The following PREX1 variants were observed in gnomAD, a reference collection of about 807,000 sequenced individuals.
PREX1 encodes phosphatidylinositol-3,4,5-trisphosphate dependent Rac exchange factor 1, also known as phosphatidylinositol 3,4,5-trisphosphate-dependent Rac exchanger 1 protein.
Under a neutral mutation model 198.3 loss-of-function variants are expected in PREX1, and 41 were observed. The ratio of observed to expected loss-of-function variants is 0.21; its 90% CI spans 0.16 to 0.27. The LOEUF (loss-of-function observed/expected upper bound fraction) is 0.27. PREX1 is among the 10% of genes least tolerant of loss of function. PREX1 has a pLI of 1.00. For missense variants in PREX1, 1,620 were observed against 2,200.7 expected (o/e 0.74, Z 5.28); for synonymous variants, 843 against 887.2 (o/e 0.95, Z 0.89).
At chr20:48,790,999 G>A (rs2090336387) in intron 1 of PREX1, among the ~76,000 whole-genome samples, 1 of 152,126 alleles carries the variant, frequency 6.6e-6, no homozygotes, top group African/African-American at 2.4e-5. Flanking sequence ...CACCACCCGG[G>A]AACCCCAACA....
intron 1 of PREX1, among the ~76,000 whole-genome samples, chr20:48,793,113 G>A (rs1051070348): frequency 6.6e-5 from 10 of 152,214 alleles, no homozygotes; most frequent in South Asian, 6.2e-4. Flanking sequence ...GCTGAGGGGG[G>A]AGAATTGCTT....
At chr20:48,724,009 T>TGAAACGCAGAGAAGAAGGACACTGGCCTC (rs1355303391) in intron 5 of PREX1, among the ~76,000 whole-genome samples, 1 of 152,190 alleles carries the variant, frequency 6.6e-6, no homozygotes, top group Non-Finnish European at 1.5e-5. Flanking sequence ...TTCAAGGTTT[T>TGAAACGCAGAGAAGAAGGACACTGGCCTC]GAAACGCAGA....
In PREX1 at chr20:48,736,406, C is replaced by T. The variant is rs560162962; in HGVS notation, c.415-1756G>A. ...ATGCTCCAAACACCACCACCAATGT[C>T]AGCATGCACATGGACACATGCACTG... On this transcript the variant is annotated intron_variant, in intron 3 of 39. Coordinates refer to ENST00000371941, the MANE Select transcript of PREX1 (RefSeq NM_020820.4). 5.5e-4 allele frequency among the ~76,000 whole-genome samples: 84 copies of T among 152,224 alleles called. 1 individual carries two copies. The highest frequency in any genetic ancestry group is 1.1e-3 in the Non-Finnish European group (74 of 68,048).
chr20:48,637,771 CAGAA>C lies in PREX1; in HGVS notation c.3905-23_3905-20del. 1 of 1,607,850 alleles carries C rather than the reference CAGAA, an allele frequency of 6.2e-7. No homozygotes were observed. Among genetic ancestry groups the C allele is most frequent in the African/African-American group, 1.3e-5 (1 of 74,886 alleles). ...TTCCCATCTGGAAGGAGAAGGGAGA[CAGAA>C]AGGGGGACGGGCTGGGAGGGGGCAG... On this transcript the variant is annotated intron_variant, in intron 30 of 39. Transcript: ENST00000371941.
At chr20:48,841,381 T>C in the PREX1 span, among the ~76,000 whole-genome samples, 1 of 152,216 alleles carries the variant, frequency 6.6e-6, no homozygotes, top group Non-Finnish European at 1.5e-5. Context: ...TAATAATGAA[T>C]GGGTGTGGCT....
At position 48,645,991 on chromosome 20, in the gene PREX1, G is replaced by A. The variant is rs530440472; in HGVS notation, c.3372C>T (p.Ala1124=). The A allele has an allele frequency of 8.7e-6, 14 of 1,614,106 alleles. No homozygotes were observed. Among genetic ancestry groups the A allele is most frequent in the Non-Finnish European group, 9.3e-6 (11 of 1,180,040 alleles). ...GSCDASLAEE[A]SSLPLVSEES... ...CTTCACTGACCAGGGGCAGGGAGGA[G>A]GCCTCCTCAGCCAAGGATGCGTCGC... Residue 1124 remains alanine (A), a synonymous_variant, in exon 26 of 40, where the codon GCC becomes GCT. Transcript: ENST00000371941.
intron 10 of PREX1, among the ~76,000 whole-genome samples, chr20:48,683,658 T>C (rs941573663): frequency 6.6e-6 from 1 of 152,194 alleles, no homozygotes; most frequent in Admixed American, 6.5e-5. Flanking sequence ...CTCTTCAGTG[T>C]AGCCCATCAT....
At chr20:48,653,222 C>T in intron 20 of PREX1, 139 bp downstream of exon 20, 4 of 1,330,408 alleles carry the variant, frequency 3.0e-6, no homozygotes, top group Non-Finnish European at 3.1e-6. Flanking sequence ...GGCCCAGCTC[C>T]CTCTTGTTGG....
the PREX1 span, among the ~76,000 whole-genome samples, chr20:48,847,492 A>G: frequency 6.6e-6 from 1 of 152,122 alleles, no homozygotes; most frequent in South Asian, 2.1e-4. Context: ...TCTGCTCTGT[A>G]AAGGAATGTG....
rs754014614 is a variant in PREX1, at chr20:48,649,308, C to G, written c.3297G>C (p.Gln1099His). ...ALKEMKQYVT[Q>H]INRLLSTITE... Reference sequence around the variant, plus strand: ...CCCCGGCCAGCGCTCACCTGTTGATCTGGGTGACATATTGCTTCATCTCCT... The same window carrying G: ...CCCCGGCCAGCGCTCACCTGTTGATGTGGGTGACATATTGCTTCATCTCCT... The change falls in exon 25 of 40, where the codon CAG becomes CAC. Residue 1099 changes from glutamine (Q) to histidine (H), a missense_variant. By Grantham distance (24) the Gln-to-His change is conservative. Around this residue, in one of 7 missense-constraint regions of PREX1, gnomAD observed 514 missense variants for 611.6 expected, o/e 0.84. Transcript: ENST00000371941. 1.1e-5 allele frequency: 17 copies of G among 1,612,806 alleles called. No homozygotes were observed. In the East Asian group the frequency reaches 3.6e-4, roughly 34 times the overall value.
intron 10 of PREX1, among the ~76,000 whole-genome samples, chr20:48,683,712 G>T (rs180981194): frequency 6.6e-6 from 1 of 152,168 alleles, no homozygotes; most frequent in Non-Finnish European, 1.5e-5. Flanking sequence ...AGCTTCTCGG[G>T]AGAGTGAGGA....
intron 7 of PREX1, among the ~76,000 whole-genome samples, chr20:48,698,595 G>A (rs1350142250): frequency 1.3e-5 from 2 of 152,172 alleles, no homozygotes; most frequent in African/African-American, 2.4e-5. Context: ...AGGAGTGGGC[G>A]AGAATGAAGG....
intron 6 of PREX1, among the ~76,000 whole-genome samples, chr20:48,701,536 T>C (rs2089874274): frequency 6.6e-6 from 1 of 152,018 alleles, no homozygotes; most frequent in East Asian, 1.9e-4. Flanking sequence ...TATTGTGGGT[T>C]TTTTTTTCAC....
At chr20:48,661,406 C>A (rs1297553563) in intron 15 of PREX1, among the ~76,000 whole-genome samples, 7 of 26,758 alleles carry the variant, frequency 2.6e-4, no homozygotes, top group Non-Finnish European at 4.6e-4. Context: ...GCAACAAGAG[C>A]AAAACTCCAT....
chr20:48,757,529 C>T (rs2090160671), intron 1 of PREX1, among the ~76,000 whole-genome samples: 1 of 152,216 alleles, frequency 6.6e-6, no homozygotes, highest in Non-Finnish European at 1.5e-5. Context: ...TCGGCCAAGC[C>T]TCGCACCTCA....
the PREX1 span, among the ~76,000 whole-genome samples, chr20:48,872,268 T>C: frequency 1.3e-5 from 2 of 151,732 alleles, no homozygotes; most frequent in African/African-American, 4.8e-5. Context: ...CGTCACACCA[T>C]GTTGTGGTTT....
At chr20:48,757,594 A>G (rs536626442) in intron 1 of PREX1, among the ~76,000 whole-genome samples, 3 of 152,358 alleles carry the variant, frequency 2.0e-5, no homozygotes, top group African/African-American at 7.2e-5. Context: ...AGTCGCTGAC[A>G]TGAGGATTAA....
In PREX1 at chr20:48,642,241, A is replaced by T; in HGVS notation, c.3702T>A (p.Ala1234=). 1 of 1,614,022 alleles carries T rather than the reference A, an allele frequency of 6.2e-7. No individual in the cohort carries two copies. Among genetic ancestry groups the T allele is most frequent in the Non-Finnish European group, 8.5e-7 (1 of 1,179,986 alleles). Reference sequence around the variant, plus strand: ...GGCTCATGACTGGCCCCTTGAGGAGAGCATTGATGGAGTCCACCTGGGTGG... The same window carrying T: ...GGCTCATGACTGGCCCCTTGAGGAGTGCATTGATGGAGTCCACCTGGGTGG... The part of the protein sequence containing the change: ...HLFNQVDSIN[A]LLKGPVMSRA... Residue 1234 remains alanine, a synonymous_variant, in exon 29 of 40, where the codon GCT becomes GCA. Coordinates refer to ENST00000371941, the MANE Select transcript of PREX1 (RefSeq NM_020820.4).
intron 5 of PREX1, among the ~76,000 whole-genome samples, chr20:48,720,926 A>G (rs1261242267): frequency 6.6e-6 from 1 of 151,988 alleles, no homozygotes; most frequent in Admixed American, 6.5e-5. Context: ...CCGTGCACAG[A>G]CCCAAGGCTG....
Sources: allele counts gnomAD v4.1 joint callset (sites outside exome capture counted in the v4.1 genomes callset), GRCh38; gene constraint gnomAD v4.1.1; regional missense constraint gnomAD v4.1.1; transcripts MANE v1.5; gene names NCBI Gene and HGNC (gene_info 2026-07-23, HGNC 2026-07-21).